The following BRAF variants were observed in gnomAD, a reference collection of about 807,000 sequenced individuals.
BRAF encodes the protein B-Raf proto-oncogene, serine/threonine kinase, also known as serine/threonine-protein kinase B-raf.
BRAF carries 16 observed loss-of-function variants against 104.6 expected under a neutral mutation model. That is an observed-to-expected ratio of 0.15 (90% CI 0.10 to 0.23). The LOEUF is 0.23. Among genes scored for constraint, BRAF ranks in the 10% least tolerant of loss-of-function variants. The pLI is 1.00. For missense variants in BRAF, 541 were observed against 937.3 expected, an observed-to-expected ratio of 0.58 and a Z score of 5.52; for synonymous variants, 310 against 341.6, an observed-to-expected ratio of 0.91 and a Z score of 1.02.
intron 3 of BRAF, among the ~76,000 whole-genome samples, chr7:140,812,002 C>A (rs1463717540): frequency 1.3e-5 from 2 of 152,080 alleles, no homozygotes; most frequent in Non-Finnish European, 2.9e-5. Context: ...GACTGGTGAC[C>A]GATCTTTAGT....
chr7:140,795,633 A>C (rs1319907498), intron 7 of BRAF, among the ~76,000 whole-genome samples: 1 of 152,250 alleles, frequency 6.6e-6, no homozygotes, highest in Non-Finnish European at 1.5e-5. Context: ...TGAATAAAAC[A>C]TGTCAGAATC....
At chr7:140,922,341 G>T (rs1818315876) in intron 1 of BRAF, among the ~76,000 whole-genome samples, 1 of 152,178 alleles carries the variant, frequency 6.6e-6, no homozygotes, top group African/African-American at 2.4e-5. Context: ...GCCAAATACA[G>T]AAATCCATGG....
At position 140,804,237 on chromosome 7, in the gene BRAF, C is replaced by T. The variant is rs560276066; in HGVS notation, c.712-2677G>A. On this transcript the variant is annotated intron_variant, in intron 5 of 19. Transcript: ENST00000644969. ...AGATTTTTTTTTTGAGACAGAGTCT[C>T]ACTGTCACCCAGGCCGGAGTGCAGT... is the stretch of plus-strand genomic sequence containing the variant. Among the ~76,000 whole-genome samples the T allele has an allele frequency of 7.9e-5, 12 of 151,996 alleles. No homozygotes were observed. In the East Asian group the frequency reaches 1.2e-3, roughly 15 times the overall value.
chr7:140,884,850 T>A (rs1288785427), intron 1 of BRAF, among the ~76,000 whole-genome samples: 2 of 152,060 alleles, frequency 1.3e-5, no homozygotes, highest in Admixed American at 6.5e-5. Context: ...CCAAGAAATG[T>A]TTAAAATTCA....
intron 11 of BRAF, among the ~76,000 whole-genome samples, chr7:140,782,365 T>A (rs915405037): frequency 6.6e-6 from 1 of 152,098 alleles, no homozygotes; most frequent in African/African-American, 2.4e-5. Flanking sequence ...TCACAAAAAA[T>A]TTTAAGTTAA....
chr7:140,821,937 C>G (rs968371208), intron 3 of BRAF, among the ~76,000 whole-genome samples: 2 of 152,068 alleles, frequency 1.3e-5, no homozygotes, highest in African/African-American at 4.8e-5. Flanking sequence ...AACCAAATAT[C>G]AAATGTTCTC....
chr7:140,869,073 T>C lies in BRAF; in HGVS notation c.139-18861A>G, dbSNP rs570764019. Among the ~76,000 whole-genome samples the C allele has an allele frequency of 1.1e-4, 17 of 152,220 alleles. 1 individual carries two copies. In the South Asian group the frequency reaches 3.3e-3, roughly 30 times the overall value. On this transcript the variant is annotated intron_variant, in intron 1 of 19. Coordinates refer to ENST00000644969, the MANE Select transcript of BRAF (RefSeq NM_001374258.1). ...ATCAAAAAGAATGAAGAAGGAACAC[T>C]GAGGTTGGGAGGACAAGGCATAGGA...
chr7:140,832,924 A>C (rs1387813011), intron 3 of BRAF, among the ~76,000 whole-genome samples: 1 of 143,962 alleles, frequency 6.9e-6, no homozygotes, highest in East Asian at 2.1e-4. Context: ...CCCAGGCTGG[A>C]GTGCAGTGGC....
At chr7:140,734,814 GAAAA>G (rs535630330) in intron 18 of BRAF, 44 bp from the exon 18 acceptor site, 3 of 1,065,076 alleles carry the variant, frequency 2.8e-6, no homozygotes, top group African/African-American at 4.9e-5. Context: ...AAAGAAAAAA[GAAAA>G]AAAAAGAAAG....
At chr7:140,909,842 C>A (rs75996906) in intron 1 of BRAF, among the ~76,000 whole-genome samples, 10,568 of 148,020 alleles carry the variant, frequency 0.071, 415 homozygotes, top group South Asian at 0.16. Flanking sequence ...ACAACAACAA[C>A]AACAAAAAAG....
At chr7:140,715,305 G>A (rs1244128086), downstream of BRAF, among the ~76,000 whole-genome samples, 2 of 152,130 alleles carry the variant, frequency 1.3e-5, no homozygotes, top group African/African-American at 2.4e-5. Context: ...ACACTTCTCC[G>A]GTTTTGTGTT....
intron 19 of BRAF, chr7:140,732,622 G>T (rs922401057): frequency 3.9e-5 from 6 of 152,190 alleles, no homozygotes; most frequent in African/African-American, 1.4e-4. Context: ...TGGCTCTACA[G>T]AGCTTAGCCA....
At chr7:140,896,694 C>G (rs186106928) in intron 1 of BRAF, among the ~76,000 whole-genome samples, 31 of 152,008 alleles carry the variant, frequency 2.0e-4, no homozygotes, top group African/African-American at 7.0e-4. Context: ...GGTGAAACTC[C>G]GTCTCTACTG....
chr7:140,863,150 C>T (rs916783032), intron 1 of BRAF, among the ~76,000 whole-genome samples: 1 of 151,720 alleles, frequency 6.6e-6, no homozygotes, highest in Non-Finnish European at 1.5e-5. Context: ...CTCGTCCCAG[C>T]ATTTATAAAG....
At chr7:140,714,897 A>C (rs1795103475), downstream of BRAF, among the ~76,000 whole-genome samples, 2 of 152,270 alleles carry the variant, frequency 1.3e-5, no homozygotes, top group South Asian at 4.1e-4. Flanking sequence ...CGGAACAAGT[A>C]GGAGGAGCCA....
chr7:140,723,060 A>G lies in BRAF; in HGVS notation c.*3434T>C. The G allele has an allele frequency of 9.5e-7, 1 of 1,051,406 alleles. No homozygotes were observed. Among genetic ancestry groups the G allele is most frequent in the Non-Finnish European group, 1.1e-6 (1 of 870,640 alleles). The allele number at this position is 1,051,406 out of a possible 1,614,324, so 65.1% of individuals were successfully genotyped here. Reference sequence around the variant, plus strand: ...CATATTTTAAAATAAATAACTATTCATTACCTCATTCTGAAGAGGTAGTTT... The same window carrying G: ...CATATTTTAAAATAAATAACTATTCGTTACCTCATTCTGAAGAGGTAGTTT... On this transcript the variant is annotated 3_prime_UTR_variant, in exon 20 of 20. Coordinates refer to ENST00000644969, the MANE Select transcript of BRAF (RefSeq NM_001374258.1).
chr7:140,785,304 TAA>T (rs1391297297), intron 10 of BRAF, among the ~76,000 whole-genome samples: 1 of 152,114 alleles, frequency 6.6e-6, no homozygotes, highest in African/African-American at 2.4e-5. Flanking sequence ...TAACAAATAT[TAA>T]GTCATCAAGA....
chr7:140,728,721 A>C (rs536703142), intron 19 of BRAF, among the ~76,000 whole-genome samples: 2 of 152,274 alleles, frequency 1.3e-5, no homozygotes, highest in Admixed American at 1.3e-4. Context: ...TAGTGTTTTA[A>C]TGTTTCTTTA....
chr7:140,924,807 G>T lies in BRAF; in HGVS notation c.-104C>A. ...GAGGCGGAGGCGGAGGCGGAGGAGC[G>T]GGGGGCGCGGGGGGCGCGGGGAGGA... On this transcript the variant is annotated 5_prime_UTR_variant, in exon 1 of 20. Coordinates refer to ENST00000644969, the MANE Select transcript of BRAF (RefSeq NM_001374258.1). The surrounding 1 kb of genome is among the most constrained non-coding windows in gnomAD (Gnocchi z 4.2). The T allele has an allele frequency of 2.5e-6, 1 of 403,268 alleles. No individual in the cohort carries two copies. The highest frequency in any genetic ancestry group is 4.3e-6 in the Non-Finnish European group (1 of 230,480). 25.0% of individuals were successfully genotyped at this position (403,268 alleles called of 1,614,324 possible).
Sources: allele counts gnomAD v4.1 joint callset (sites outside exome capture counted in the v4.1 genomes callset), GRCh38; gene constraint gnomAD v4.1.1; non-coding constraint Gnocchi (gnomAD v3.1); transcripts MANE v1.5; gene names NCBI Gene and HGNC (gene_info 2026-07-23, HGNC 2026-07-21).